The following EYS variants were observed in gnomAD, a reference collection of about 807,000 sequenced individuals.
EYS encodes the protein protein eyes shut homolog.
In EYS, 250 loss-of-function variants were observed where a neutral mutation model predicts 282.1. That is an observed-to-expected ratio of 0.89 (90% CI 0.80 to 0.98). The LOEUF is 0.98. EYS is among the 50% of genes least tolerant of loss of function. The pLI is 0.00. For missense variants in EYS, 4,016 were observed against 3,709.0 expected (o/e 1.08, Z -2.15); for synonymous variants, 1,355 against 1,282.9 (o/e 1.06, Z -1.20).
chr6:64,187,124 C>T (rs1457352672), intron 31 of EYS, among the ~76,000 whole-genome samples: 6 of 152,042 alleles, frequency 3.9e-5, no homozygotes, highest in Non-Finnish European at 7.4e-5. Context: ...TTTTTTGCCA[C>T]GCCTTGTTAG....
intron 35 of EYS, among the ~76,000 whole-genome samples, chr6:63,911,030 A>G (rs1008900280): frequency 2.0e-5 from 3 of 152,196 alleles, no homozygotes; most frequent in Non-Finnish European, 4.4e-5. Flanking sequence ...GTGAGAGAGA[A>G]ACAAACATTT....
intron 12 of EYS, among the ~76,000 whole-genome samples, chr6:65,181,568 G>A (rs917154311): frequency 1.3e-5 from 2 of 152,130 alleles, no homozygotes; most frequent in Admixed American, 6.5e-5. Context: ...ACAGGTGCTG[G>A]AGAGGATATG....
In EYS at chr6:64,230,743, A is replaced by G. The variant is rs568000643; in HGVS notation, c.6273T>C (p.Thr2091=). 77 of 1,551,650 alleles carry G rather than the reference A, an allele frequency of 5.0e-5. 2 individuals carry two copies. In the South Asian group the frequency reaches 8.7e-4, roughly 17 times the overall value. The change falls in exon 31 of 43, where the codon ACT becomes ACC. Residue 2091 remains threonine (T), a synonymous_variant. Coordinates refer to ENST00000503581, the MANE Select transcript of EYS (RefSeq NM_001142800.2). ...DVTQGVDTMW[T]SVSPSVAAPS... is the part of the protein sequence containing the mutation. ...GTGCTGCAACAGAGGGGCTGACAGA[A>G]GTCCACATGGTATCAACCCCTTGTG...
At chr6:64,976,586 T>C (rs1562283640) in intron 14 of EYS, among the ~76,000 whole-genome samples, 2 of 152,072 alleles carry the variant, frequency 1.3e-5, no homozygotes, top group South Asian at 2.1e-4. Context: ...ATCTCATTTA[T>C]TGGGGGCTCC....
chr6:64,476,317 T>C (rs1776265211), intron 26 of EYS, among the ~76,000 whole-genome samples: 1 of 152,124 alleles, frequency 6.6e-6, no homozygotes, highest in Non-Finnish European at 1.5e-5. Context: ...TCCCTGAAGG[T>C]CTGCTACATT....
intron 2 of EYS, among the ~76,000 whole-genome samples, chr6:65,639,368 A>G (rs1767201848): frequency 6.6e-6 from 1 of 152,144 alleles, no homozygotes; most frequent in South Asian, 2.1e-4. Context: ...CTAGAAGAAT[A>G]AAAACCTGTA....
At position 64,766,649 on chromosome 6, in the gene EYS, A is replaced by ATATAT. The variant is rs1554201272; in HGVS notation, c.3443+46728_3443+46729insATATA. Among the ~76,000 whole-genome samples, 5 of 19,070 alleles carry ATATAT rather than the reference A, an allele frequency of 2.6e-4. 1 individual carries two copies. The highest frequency in any genetic ancestry group is 3.1e-4 in the Non-Finnish European group (3 of 9,726). 12.5% of individuals were successfully genotyped at this position (19,070 alleles called of 152,430 possible). The stretch of plus-strand genomic sequence containing the variant: ...TCCGTCTCAAAAAAAAAAAAAAAAA[A>ATATAT]ATATATATATATATATATATATATA... On this transcript the variant is annotated intron_variant, in intron 22 of 42. Transcript: ENST00000503581.
At chr6:65,112,889 A>G (rs545645888) in intron 12 of EYS, among the ~76,000 whole-genome samples, 9 of 152,220 alleles carry the variant, frequency 5.9e-5, no homozygotes, top group African/African-American at 2.2e-4. Context: ...GGTGCTGTAT[A>G]TTTTTACTAT....
intron 31 of EYS, among the ~76,000 whole-genome samples, chr6:64,087,408 A>G (rs1317926214): frequency 1.3e-5 from 2 of 152,156 alleles, no homozygotes; most frequent in Admixed American, 1.3e-4. Flanking sequence ...CAAATGTGCC[A>G]TCATGTTCTC....
intron 29 of EYS, among the ~76,000 whole-genome samples, chr6:64,380,939 C>T (rs1048151440): frequency 5.3e-5 from 8 of 150,934 alleles, no homozygotes; most frequent in African/African-American, 1.5e-4. Context: ...TGCTTGAACC[C>T]GGGAGGCGGA....
At chr6:65,485,275 T>C (rs1363858000) in intron 5 of EYS, among the ~76,000 whole-genome samples, 3 of 152,224 alleles carry the variant, frequency 2.0e-5, no homozygotes, top group Non-Finnish European at 4.4e-5. Flanking sequence ...GCATCTACTT[T>C]TAAAAATGTT....
At chr6:65,458,149 C>A (rs976869794) in intron 5 of EYS, among the ~76,000 whole-genome samples, 1 of 152,120 alleles carries the variant, frequency 6.6e-6, no homozygotes, top group Admixed American at 6.6e-5. Context: ...TTAGTTGCAA[C>A]CTCCTAAACT....
At chr6:64,282,750 A>G (rs1272133019) in intron 30 of EYS, among the ~76,000 whole-genome samples, 1 of 152,184 alleles carries the variant, frequency 6.6e-6, no homozygotes, top group Admixed American at 6.6e-5. Context: ...TTATGCCTGA[A>G]CTACTGAGAG....
At chr6:64,142,985 T>G (rs750439491) in intron 31 of EYS, among the ~76,000 whole-genome samples, 16 of 152,180 alleles carry the variant, frequency 1.1e-4, no homozygotes, top group Admixed American at 9.8e-4. Flanking sequence ...ACAATGAATA[T>G]TATTCAGTGC....
intron 26 of EYS, among the ~76,000 whole-genome samples, chr6:64,514,650 A>G (rs1777506860): frequency 6.6e-6 from 1 of 151,832 alleles, no homozygotes; most frequent in Non-Finnish European, 1.5e-5. Flanking sequence ...TTATCTGGGT[A>G]TTCTTGAAAA....
intron 1 of EYS, among the ~76,000 whole-genome samples, chr6:65,679,787 G>A (rs979215724): frequency 4.6e-5 from 7 of 151,866 alleles, no homozygotes; most frequent in Non-Finnish European, 8.8e-5. Flanking sequence ...ACTGCATCCT[G>A]AAATATTTAT....
chr6:63,868,588 G>A (rs908639047), intron 35 of EYS, among the ~76,000 whole-genome samples: 1 of 152,102 alleles, frequency 6.6e-6, no homozygotes, highest in African/African-American at 2.4e-5. Context: ...AATGTCTCCA[G>A]ATAGTTCTGA....
intron 2 of EYS, among the ~76,000 whole-genome samples, chr6:65,533,196 T>C (rs1384954842): frequency 6.6e-6 from 1 of 152,156 alleles, no homozygotes; most frequent in East Asian, 1.9e-4. Context: ...CAGAGAATAC[T>C]ATAAACACCT....
At chr6:65,402,396 C>T in intron 7 of EYS, 82 bp downstream of exon 7, 1 of 1,029,822 alleles carries the variant, frequency 9.7e-7, no homozygotes, top group Non-Finnish European at 1.5e-6. Context: ...AGGGTTAAAA[C>T]CAGAACATCA....
Sources: allele counts gnomAD v4.1 joint callset (sites outside exome capture counted in the v4.1 genomes callset), GRCh38; gene constraint gnomAD v4.1.1; transcripts MANE v1.5; gene names NCBI Gene and HGNC (gene_info 2026-07-23, HGNC 2026-07-21).